MAP4K1: variants seen among roughly 807,000 people sequenced by gnomAD.
MAP4K1 encodes the protein mitogen-activated protein kinase kinase kinase kinase 1.
MAP4K1 carries 35 observed loss-of-function variants against 122.8 expected under a neutral mutation model. That is an observed-to-expected ratio of 0.29 (90% CI 0.22 to 0.38). The LOEUF (loss-of-function observed/expected upper bound fraction) is 0.38, where lower values mean the gene tolerates loss of function less well. Ranked by LOEUF, MAP4K1 falls within the 10% of genes least tolerant of loss-of-function variation. MAP4K1 has a pLI of 1.00. For missense variants in MAP4K1, 791 were observed against 1,072.6 expected, an observed-to-expected ratio of 0.74 and a Z score of 3.67; for synonymous variants, 412 against 421.3, an observed-to-expected ratio of 0.98 and a Z score of 0.27.
chr19:38,590,410 T>A (rs1214079461), intron 30 of MAP4K1, among the ~76,000 whole-genome samples: 198 of 65,008 alleles, frequency 3.0e-3, no homozygotes, highest in African/African-American at 8.0e-3. Context: ...TATATATATA[T>A]ATATATATAT....
intron 20 of MAP4K1, among the ~76,000 whole-genome samples, 199 bp downstream of exon 20, chr19:38,601,242 C>A (rs987140630): frequency 3.9e-5 from 6 of 152,178 alleles, no homozygotes; most frequent in African/African-American, 1.4e-4. Context: ...AGCCACCACA[C>A]CTGGCTGCCC....
intron 19 of MAP4K1, 151 bp from the exon 20 acceptor site, chr19:38,601,676 A>G (rs1975069978): frequency 1.7e-6 from 1 of 592,652 alleles, no homozygotes. Flanking sequence ...TCCCTGTAAT[A>G]CACTTTTTCA....
At chr19:38,614,643 T>A (rs1975594714) in intron 4 of MAP4K1, 198 bp from the exon 5 acceptor site, 8 of 619,680 alleles carry the variant, frequency 1.3e-5, no homozygotes, top group Non-Finnish European at 2.3e-5. Flanking sequence ...CCAATAGGCC[T>A]GGCGCAGTGG....
Position 38,587,667 on chromosome 19 carries a change from G to A in MAP4K1, c.*81C>T. On this transcript the variant is annotated 3_prime_UTR_variant, in exon 31 of 31. Coordinates refer to ENST00000396857, the MANE Select transcript of MAP4K1 (RefSeq NM_001042600.3). ...CAGAGGCTAAAGTCATGTTTATTGGGAGATGAGGACATGCCATGACCACTA... is the reference window on the plus strand; with the variant it reads ...CAGAGGCTAAAGTCATGTTTATTGGAAGATGAGGACATGCCATGACCACTA... The A allele has an allele frequency of 1.8e-6, 2 of 1,120,612 alleles. No individual in the cohort carries two copies. Among genetic ancestry groups the A allele is most frequent in the Non-Finnish European group, 2.7e-6 (2 of 734,722 alleles). The allele number at this position is 1,120,612 out of a possible 1,614,324, so 69.4% of individuals were successfully genotyped here.
intron 20 of MAP4K1, 140 bp downstream of exon 20, chr19:38,601,301 C>T: frequency 1.4e-6 from 1 of 691,802 alleles, no homozygotes; most frequent in South Asian, 1.8e-5. Flanking sequence ...CAAGCTCCGC[C>T]CCTGTTTCAG....
At chr19:38,596,937 A>G (rs1974906852) in intron 25 of MAP4K1, 97 bp downstream of exon 25, 2 of 1,172,972 alleles carry the variant, frequency 1.7e-6, no homozygotes, top group African/African-American at 1.5e-5. Context: ...GCCTCGACGG[A>G]GGTGGGGCTT....
intron 17 of MAP4K1, 80 bp from the exon 18 acceptor site, chr19:38,605,810 C>A (rs2100191888): frequency 3.6e-6 from 5 of 1,378,234 alleles, no homozygotes; most frequent in Non-Finnish European, 4.9e-6. Context: ...CAAGTCCCTG[C>A]CTCCACCAGA....
rs986174245 is a variant in MAP4K1 at position 38,593,352 on chromosome 19, T to C, written c.2341-15A>G. The C allele has an allele frequency of 1.2e-6, 2 of 1,603,254 alleles. No individual in the cohort carries two copies. The highest frequency in any genetic ancestry group is 1.7e-6 in the Non-Finnish European group (2 of 1,174,668). On this transcript the variant is annotated splice_polypyrimidine_tract_variant and intron_variant, in intron 29 of 30. Coordinates refer to ENST00000396857, the MANE Select transcript of MAP4K1 (RefSeq NM_001042600.3). ...TCCTGTAGCAGCTAGGGAAAAAAAG[T>C]GTGTGTCTCAGTGCCTGGAAGATAC... is the stretch of plus-strand genomic sequence containing the variant.
At chr19:38,610,168 C>G (rs73552634) in intron 11 of MAP4K1, 143 bp from the exon 12 acceptor site, 1 of 610,172 alleles carries the variant, frequency 1.6e-6, no homozygotes, top group Non-Finnish European at 2.9e-6. Flanking sequence ...AGGCAGAGGG[C>G]GGGGAAATCC....
At chr19:38,588,001 A>T (rs1974577468) in intron 30 of MAP4K1, among the ~76,000 whole-genome samples, 184 bp from the exon 31 acceptor site, 1 of 152,210 alleles carries the variant, frequency 6.6e-6, no homozygotes, top group South Asian at 2.1e-4. Flanking sequence ...TGAATCAGTG[A>T]ATTACATGAG....
chr19:38,590,492 T>C (rs1974697369), intron 30 of MAP4K1, among the ~76,000 whole-genome samples: 1 of 146,152 alleles, frequency 6.8e-6, no homozygotes, highest in African/African-American at 2.5e-5. Context: ...TTGTTGTTGT[T>C]TTCTGAGACA....
In MAP4K1 at chr19:38,605,594, C is replaced by T. The variant is rs776288730; in HGVS notation, c.1337G>A (p.Ser446Asn). 25 of 1,549,280 alleles carry T rather than the reference C, an allele frequency of 1.6e-5. No homozygotes were observed. The highest frequency in any genetic ancestry group is 2.0e-5 in the Non-Finnish European group (23 of 1,149,870). Residue 446 changes from serine (S) to asparagine (N), a missense_variant, in exon 18 of 31, where the codon AGC (serine) becomes AAC (asparagine). Transcript: ENST00000396857. ...TGAATGGGCGGTGAGGTGGGGGCTGCTGGTGGATGGGGGAGGCCCAGGACG... is the reference window on the plus strand; with the variant it reads ...TGAATGGGCGGTGAGGTGGGGGCTGTTGGTGGATGGGGGAGGCCCAGGACG... ...SPRPGPPPSTSSPHLTAHSEP... is the reference protein window; with the variant it reads ...SPRPGPPPSTNSPHLTAHSEP...
intron 20 of MAP4K1, among the ~76,000 whole-genome samples, chr19:38,600,580 G>A (rs116505254): frequency 9.0e-4 from 137 of 152,032 alleles, no homozygotes; most frequent in African/African-American, 3.2e-3. Flanking sequence ...CACTGACCTT[G>A]TCTTCATCTC....
chr19:38,598,453 C>T (rs889528892), intron 22 of MAP4K1, among the ~76,000 whole-genome samples: 9 of 152,168 alleles, frequency 5.9e-5, no homozygotes, highest in South Asian at 4.1e-4. Context: ...CTCAGCCTCC[C>T]GAGTAGCTGG....
chr19:38,589,067 T>C (rs946209306), intron 30 of MAP4K1: 7 of 152,294 alleles, frequency 4.6e-5, no homozygotes, highest in African/African-American at 1.4e-4. Context: ...GAAGGAAACA[T>C]AGAATCAGAA....
Position 38,617,732 on chromosome 19 carries a change from C to T in MAP4K1, c.99+65G>A. On this transcript the variant is annotated intron_variant, in intron 1 of 30. Coordinates refer to ENST00000396857, the MANE Select transcript of MAP4K1 (RefSeq NM_001042600.3). The surrounding 1 kb of genome is among the most constrained non-coding windows in gnomAD (Gnocchi z 4.1). Reference sequence around the variant, plus strand: ...TGGGACCCCCTCTTGCAGCCTCCTCCCTGCCGAGGGCTTGCCTTAAAGGTC... The same window carrying T: ...TGGGACCCCCTCTTGCAGCCTCCTCTCTGCCGAGGGCTTGCCTTAAAGGTC... 6.2e-7 allele frequency: 1 copy of T among 1,606,350 alleles called. No individual in the cohort carries two copies. The highest frequency in any genetic ancestry group is 1.1e-5 in the South Asian group (1 of 90,924).
chr19:38,605,856 A>C, intron 17 of MAP4K1, 126 bp from the exon 18 acceptor site: 5 of 867,800 alleles, frequency 5.8e-6, no homozygotes, highest in Non-Finnish European at 8.7e-6. Context: ...CCCCCCGACA[A>C]CATCTTGTGC....
intron 8 of MAP4K1, among the ~76,000 whole-genome samples, chr19:38,613,597 G>A (rs947910395): frequency 4.6e-5 from 7 of 151,996 alleles, no homozygotes; most frequent in South Asian, 2.1e-4. Flanking sequence ...AAGAGACAGA[G>A]AGCACTGCAA....
chr19:38,611,837 A>G (rs938055122), intron 9 of MAP4K1, among the ~76,000 whole-genome samples: 1 of 151,528 alleles, frequency 6.6e-6, no homozygotes, highest in Non-Finnish European at 1.5e-5. Context: ...GGTGGCTCAC[A>G]CCTTTAATCC....
Sources: gnomAD v4.1 joint callset for allele counts (sites outside exome capture counted in the v4.1 genomes callset) on GRCh38, gnomAD v4.1.1 for gene constraint, Gnocchi (gnomAD v3.1) non-coding constraint, MANE v1.5 for transcripts, NCBI Gene and HGNC (gene_info 2026-07-23, HGNC 2026-07-21) for gene names.